Variants in AUTS2 observed in about 807,000 individuals in gnomAD.
AUTS2 encodes the protein activator of transcription and developmental regulator AUTS2.
In AUTS2, 17 loss-of-function variants were observed where a neutral mutation model predicts 112.4. The ratio of observed to expected loss-of-function variants is 0.15; its 90% confidence interval spans 0.10 to 0.23. The LOEUF is 0.23. Ranked by LOEUF, AUTS2 falls within the 10% of genes least tolerant of loss-of-function variation. AUTS2 has a pLI of 1.00. For synonymous variants in AUTS2, 751 were observed against 702.7 expected (o/e 1.07, Z -1.09); for missense variants, 1,510 against 1,701.6 (o/e 0.89, Z 1.98).
At chr7:70,558,224 G>A (rs1048734670) in intron 5 of AUTS2, among the ~76,000 whole-genome samples, 2 of 152,114 alleles carry the variant, frequency 1.3e-5, no homozygotes. Context: ...TCTGGTCCAG[G>A]TGTCCCTACC....
At chr7:70,361,050 A>T (rs1792236903) in intron 4 of AUTS2, among the ~76,000 whole-genome samples, 3 of 152,188 alleles carry the variant, frequency 2.0e-5, no homozygotes, top group Admixed American at 6.5e-5. Context: ...CCTCCCATAT[A>T]AAAATCGATT....
At chr7:69,636,549 C>T (rs1747039998) in intron 1 of AUTS2, among the ~76,000 whole-genome samples, 2 of 146,878 alleles carry the variant, frequency 1.4e-5, no homozygotes, top group African/African-American at 5.1e-5. Context: ...TGGCCTGGAG[C>T]ACACATTAGC....
chr7:69,616,892 A>T (rs1037677079), intron 1 of AUTS2, among the ~76,000 whole-genome samples: 1 of 152,146 alleles, frequency 6.6e-6, no homozygotes, highest in African/African-American at 2.4e-5. Flanking sequence ...AGAAGAAAAA[A>T]GTGTCTGGAT....
chr7:70,208,998 G>A (rs903139086), intron 4 of AUTS2, among the ~76,000 whole-genome samples: 2 of 152,122 alleles, frequency 1.3e-5, no homozygotes, highest in African/African-American at 2.4e-5. Context: ...GATTAACCTG[G>A]AGAGTGATGC....
intron 1 of AUTS2, among the ~76,000 whole-genome samples, chr7:69,614,369 TTTAAGAG>T (rs66886624): frequency 8.0e-5 from 2 of 25,102 alleles, no homozygotes; most frequent in Non-Finnish European, 1.1e-4. Context: ...TCTTTCTTTT[TTTAAGAG>T]ATGGGATCTC....
intron 1 of AUTS2, among the ~76,000 whole-genome samples, chr7:69,754,955 T>C (rs1400240296): frequency 6.6e-6 from 1 of 152,230 alleles, no homozygotes; most frequent in Non-Finnish European, 1.5e-5. Context: ...CACAGCCTCA[T>C]GTAGTGATTT....
At chr7:69,971,332 C>G (rs1797841389) in intron 2 of AUTS2, among the ~76,000 whole-genome samples, 2 of 152,128 alleles carry the variant, frequency 1.3e-5, no homozygotes, top group South Asian at 4.2e-4. Flanking sequence ...GTTTTCTCAT[C>G]TATTAAATGA....
intron 5 of AUTS2, among the ~76,000 whole-genome samples, chr7:70,576,789 T>C (rs1036067879): frequency 2.0e-5 from 3 of 152,168 alleles, no homozygotes; most frequent in African/African-American, 7.2e-5. Flanking sequence ...GCCACTAGGA[T>C]AAAGGATTTT....
intron 1 of AUTS2, among the ~76,000 whole-genome samples, chr7:69,809,192 A>G (rs1439677347): frequency 6.6e-6 from 1 of 151,840 alleles, no homozygotes; most frequent in East Asian, 1.9e-4. Flanking sequence ...CTCCTGCCTC[A>G]GCCTCCCCAG....
chr7:70,606,532 C>T (rs765958246), intron 5 of AUTS2, among the ~76,000 whole-genome samples: 5 of 152,086 alleles, frequency 3.3e-5, no homozygotes, highest in Admixed American at 6.6e-5. Flanking sequence ...TAGTGCAGCG[C>T]CCATAAGCTT....
chr7:70,646,112 T>C (rs756717212), intron 5 of AUTS2, among the ~76,000 whole-genome samples: 1 of 152,320 alleles, frequency 6.6e-6, no homozygotes, highest in African/African-American at 2.4e-5. Flanking sequence ...ATTTTGAAAC[T>C]GTAAAATGCA....
chr7:70,148,980 G>C (rs1173178804), intron 4 of AUTS2, among the ~76,000 whole-genome samples: 1 of 151,904 alleles, frequency 6.6e-6, no homozygotes, highest in Non-Finnish European at 1.5e-5. Context: ...GTATTACAAA[G>C]CAAGGTAAAT....
chr7:70,419,015 C>T (rs534075901), intron 4 of AUTS2, among the ~76,000 whole-genome samples: 13 of 151,924 alleles, frequency 8.6e-5, no homozygotes, highest in Non-Finnish European at 1.5e-4. Context: ...TACTATCACC[C>T]CCGTTTTATT....
At position 69,743,644 on chromosome 7, in the gene AUTS2, T is replaced by C. The variant is rs535068362; in HGVS notation, c.309+143682T>C. 1.1e-3 allele frequency among the ~76,000 whole-genome samples: 164 copies of C among 152,348 alleles called. 1 individual carries two copies. The highest frequency in any genetic ancestry group is 3.8e-3 in the African/African-American group (160 of 41,588). ...CTCTTTCCCAGTCAGTCTGTCATTC[T>C]TACATTTGGCCCCAGGCAACCACTG... On this transcript the variant is annotated intron_variant, in intron 1 of 18. Coordinates refer to ENST00000342771, the MANE Select transcript of AUTS2 (RefSeq NM_015570.4).
At chr7:70,112,182 A>G (rs550681441) in intron 2 of AUTS2, among the ~76,000 whole-genome samples, 3 of 151,764 alleles carry the variant, frequency 2.0e-5, no homozygotes, top group African/African-American at 7.2e-5. Context: ...TATAATTTTC[A>G]TTTTCTTAAT....
At chr7:70,439,525 C>T (rs375598406) in intron 5 of AUTS2, among the ~76,000 whole-genome samples, 111 of 123,884 alleles carry the variant, frequency 9.0e-4, no homozygotes, top group African/African-American at 3.4e-3. Context: ...GGCGACAGGG[C>T]GAGACTCCAT....
chr7:70,134,493 A>T (rs771664355), intron 3 of AUTS2, 43 bp from the exon 4 acceptor site: 5 of 1,598,876 alleles, frequency 3.1e-6, no homozygotes, highest in Non-Finnish European at 4.3e-6. Context: ...CGTGTTAAAA[A>T]CCATTGCTGA....
At chr7:70,643,556 C>T (rs1222898829) in intron 5 of AUTS2, among the ~76,000 whole-genome samples, 2 of 152,062 alleles carry the variant, frequency 1.3e-5, no homozygotes, top group South Asian at 2.1e-4. Flanking sequence ...GGCAACAGAG[C>T]GAGACTCCGT....
At chr7:70,648,096 A>C (rs1806273155) in intron 5 of AUTS2, among the ~76,000 whole-genome samples, 1 of 152,216 alleles carries the variant, frequency 6.6e-6, no homozygotes, top group Non-Finnish European at 1.5e-5. Flanking sequence ...TAACATGGGA[A>C]TAATGATAGT....
Sources: gnomAD v4.1 joint callset for allele counts (sites outside exome capture counted in the v4.1 genomes callset) on GRCh38, gnomAD v4.1.1 for gene constraint, MANE v1.5 for transcripts, NCBI Gene and HGNC (gene_info 2026-07-23, HGNC 2026-07-21) for gene names.